Variants in DOCK4 observed in about 807,000 individuals in gnomAD.
DOCK4 encodes the protein dedicator of cytokinesis 4.
Under a neutral mutation model 268.1 loss-of-function variants are expected in DOCK4, and 97 were observed. That is an observed-to-expected ratio of 0.36 (90% confidence interval 0.31 to 0.43). DOCK4 has a LOEUF of 0.43. Among genes scored for constraint, DOCK4 ranks in the 20% least tolerant of loss-of-function variants. The pLI is 1.00. For missense variants in DOCK4, 2,145 were observed against 2,455.7 expected (o/e 0.87, Z 2.67); for synonymous variants, 954 against 887.2 (o/e 1.08, Z -1.34).
chr7:112,204,984 G>C (rs1382270096), intron 1 of DOCK4, among the ~76,000 whole-genome samples: 3 of 152,040 alleles, frequency 2.0e-5, no homozygotes, highest in Non-Finnish European at 4.4e-5. Context: ...CTTTCTGTTA[G>C]ACCTTCTGGG....
At chr7:111,816,050 A>G (rs1801527964) in intron 27 of DOCK4, among the ~76,000 whole-genome samples, 1 of 152,214 alleles carries the variant, frequency 6.6e-6, no homozygotes, top group Non-Finnish European at 1.5e-5. Flanking sequence ...AAACTGGTGT[A>G]CATGAAATCA....
chr7:111,987,576 G>A (rs1390711644), intron 6 of DOCK4, among the ~76,000 whole-genome samples: 1 of 152,222 alleles, frequency 6.6e-6, no homozygotes, highest in Admixed American at 6.5e-5. Flanking sequence ...ATAATCTCCT[G>A]TGAAATTCAT....
intron 15 of DOCK4, 132 bp downstream of exon 15, chr7:111,900,242 C>A: frequency 1.7e-6 from 2 of 1,183,062 alleles, no homozygotes; most frequent in Non-Finnish European, 2.3e-6. Flanking sequence ...TCTGGCTAAT[C>A]TTTCTAGAAT....
At chr7:111,907,105 GGGCAAATGTACGGATA>G (rs1279626691) in intron 13 of DOCK4, among the ~76,000 whole-genome samples, 1 of 152,072 alleles carries the variant, frequency 6.6e-6, no homozygotes, top group African/African-American at 2.4e-5. Flanking sequence ...AGCACAGACA[GGGCAAATGTACGGATA>G]GGCTGAAAAG....
chr7:111,822,042 C>T (rs752645457), intron 27 of DOCK4, among the ~76,000 whole-genome samples: 1 of 152,142 alleles, frequency 6.6e-6, no homozygotes, highest in Non-Finnish European at 1.5e-5. Flanking sequence ...GTGTATATTA[C>T]ATTACCTGCT....
Position 111,944,970 on chromosome 7 carries a change from C to G in DOCK4, c.784-99G>C, listed in dbSNP as rs572362764. 167 of 913,334 alleles carry G rather than the reference C, an allele frequency of 1.8e-4. 2 individuals are homozygous for G. The South Asian group carries it at 2.2e-3, about 12-fold the overall frequency. The allele number at this position is 913,334 out of a possible 1,614,324, so 56.6% of individuals were successfully genotyped here. A position where few individuals can be genotyped will look rare whatever the true frequency, so the allele number is the denominator to read the frequency against. On this transcript the variant is annotated intron_variant, in intron 9 of 52. Transcript: ENST00000428084. ...AAATAAAAGAAGAAAGAGATGGACA[C>G]AGACATTCTTAATGGAATGTTTGTA...
intron 47 of DOCK4, 66 bp downstream of exon 47, chr7:111,741,012 CAGCACAGCAGAATGAA>C: frequency 6.5e-7 from 1 of 1,531,008 alleles, no homozygotes; most frequent in Non-Finnish European, 8.9e-7. Flanking sequence ...GTCTGTTCAT[CAGCACAGCAGAATGAA>C]CAGAAACACT....
intron 1 of DOCK4, among the ~76,000 whole-genome samples, chr7:112,043,407 G>A (rs1032551446): frequency 2.0e-5 from 3 of 152,148 alleles, no homozygotes. Context: ...AGTACACAAT[G>A]ATGAATTAAT....
chr7:111,728,132 T>C lies in DOCK4; in HGVS notation c.*142A>G. The C allele has an allele frequency of 3.4e-6, 2 of 583,342 alleles. No individual in the cohort carries two copies. Among genetic ancestry groups the C allele is most frequent in the Non-Finnish European group, 2.6e-6 (1 of 387,862 alleles). 36.1% of individuals were successfully genotyped at this position (583,342 alleles called of 1,614,324 possible). A position where few individuals can be genotyped will look rare whatever the true frequency, so the allele number is the denominator to read the frequency against. On this transcript the variant is annotated 3_prime_UTR_variant, in exon 53 of 53. Coordinates refer to ENST00000428084, the MANE Select transcript of DOCK4 (RefSeq NM_001363540.2). ...CAGCAACTTTTAATATTGTGCAACA[T>C]GATATTTAATAAGCAAGTTTTAATT...
intron 41 of DOCK4, among the ~76,000 whole-genome samples, chr7:111,757,900 C>T (rs1797138153): frequency 6.6e-6 from 1 of 151,952 alleles, no homozygotes; most frequent in South Asian, 2.1e-4. Context: ...GGGGGGGTGT[C>T]ACTATGTCAT....
intron 38 of DOCK4, 27 bp downstream of exon 38, chr7:111,767,005 T>G (rs763881750): frequency 6.3e-7 from 1 of 1,578,340 alleles, no homozygotes; most frequent in East Asian, 2.2e-5. Context: ...GGCTATGGCC[T>G]GATCAGGATG....
intron 1 of DOCK4, among the ~76,000 whole-genome samples, chr7:112,107,075 CTATT>C (rs2115597359): frequency 6.6e-6 from 1 of 152,310 alleles, no homozygotes; most frequent in Non-Finnish European, 1.5e-5. Context: ...TATTCAGAGA[CTATT>C]TATTATGTAT....
intron 13 of DOCK4, among the ~76,000 whole-genome samples, chr7:111,913,534 C>G (rs1443874932): frequency 2.0e-5 from 3 of 150,634 alleles, no homozygotes. Flanking sequence ...CTCAGCCTCC[C>G]GAGTAGCTGG....
chr7:112,082,831 T>C (rs1808725880), intron 1 of DOCK4, among the ~76,000 whole-genome samples: 1 of 152,082 alleles, frequency 6.6e-6, no homozygotes, highest in African/African-American at 2.4e-5. Context: ...ATCTGAAAAA[T>C]ATATAATTTT....
At chr7:111,932,127 C>CAA (rs1361257407) in intron 12 of DOCK4, among the ~76,000 whole-genome samples, 1 of 152,152 alleles carries the variant, frequency 6.6e-6, no homozygotes, top group Non-Finnish European at 1.5e-5. Flanking sequence ...GGTATGACCT[C>CAA]AGAGTTTGGA....
intron 35 of DOCK4, among the ~76,000 whole-genome samples, chr7:111,782,196 T>C (rs1328900141): frequency 6.6e-5 from 10 of 152,206 alleles, no homozygotes; most frequent in Admixed American, 6.5e-4. Context: ...TTCTATTTAA[T>C]AGTTAGTTAT....
intron 1 of DOCK4, among the ~76,000 whole-genome samples, chr7:112,121,188 T>A (rs1470835514): frequency 2.0e-5 from 3 of 152,232 alleles, no homozygotes; most frequent in Non-Finnish European, 1.5e-5. Flanking sequence ...AGTGCTGGGA[T>A]CTGAACTTGG....
chr7:112,180,971 A>C (rs768679187), intron 1 of DOCK4, among the ~76,000 whole-genome samples: 11 of 152,226 alleles, frequency 7.2e-5, no homozygotes, highest in Non-Finnish European at 1.3e-4. Flanking sequence ...AAGGGGAGGT[A>C]GTAGTTGCAG....
chr7:112,085,611 T>A (rs1311564184), intron 1 of DOCK4, among the ~76,000 whole-genome samples: 4 of 152,108 alleles, frequency 2.6e-5, no homozygotes, highest in Non-Finnish European at 5.9e-5. Context: ...ATGGAAGAAT[T>A]CACCCAATAA....
Sources: allele counts gnomAD v4.1 joint callset (sites outside exome capture counted in the v4.1 genomes callset), GRCh38; gene constraint gnomAD v4.1.1; transcripts MANE v1.5; gene names NCBI Gene and HGNC (gene_info 2026-07-23, HGNC 2026-07-21).